Variants in RTN4RL1 observed in about 807,000 individuals in gnomAD.
RTN4RL1 encodes the protein reticulon 4 receptor like 1.
Under a neutral mutation model 25.6 loss-of-function variants are expected in RTN4RL1, and 7 were observed. The observed-to-expected ratio is 0.27, with a 90% CI of 0.16 to 0.51. The LOEUF is 0.51. Ranked by LOEUF, RTN4RL1 falls within the 20% of genes least tolerant of loss-of-function variation. The probability of loss-of-function intolerance (pLI) is 0.97; values close to 1 mark genes in which losing one functional copy is unlikely to be tolerated. For synonymous variants in RTN4RL1, 297 were observed against 288.2 expected (o/e 1.03, Z -0.31); for missense variants, 500 against 615.6 (o/e 0.81, Z 1.99).
intron 1 of RTN4RL1, among the ~76,000 whole-genome samples, chr17:1,952,180 T>C (rs10852897): frequency 0.45 from 67,711 of 151,662 alleles, 16,027 homozygotes; most frequent in Middle Eastern, 0.57. Context: ...AGTCACGGGG[T>C]CCAGCTGCCA....
At chr17:1,986,822 C>G (rs964538788) in intron 1 of RTN4RL1, among the ~76,000 whole-genome samples, 2 of 152,002 alleles carry the variant, frequency 1.3e-5, no homozygotes, top group African/African-American at 4.8e-5. Context: ...AGACTCAGGC[C>G]CTGCCCCCCG....
intron 1 of RTN4RL1, among the ~76,000 whole-genome samples, chr17:1,968,767 T>A (rs4239065): frequency 2.6e-5 from 4 of 151,844 alleles, no homozygotes; most frequent in East Asian, 1.9e-4. Context: ...CTCATTGCAC[T>A]TGTTCTTTGA....
chr17:1,948,384 C>T (rs73976147), intron 1 of RTN4RL1, among the ~76,000 whole-genome samples: 172 of 152,336 alleles, frequency 1.1e-3, no homozygotes, highest in African/African-American at 4.0e-3. Flanking sequence ...GTTGTGGCAG[C>T]GCAGACTCCA....
chr17:2,002,607 CCTCT>C (rs1003082423), intron 1 of RTN4RL1, among the ~76,000 whole-genome samples: 12 of 151,368 alleles, frequency 7.9e-5, no homozygotes, highest in African/African-American at 2.4e-4. Context: ...TTCTTTATTT[CCTCT>C]CTCTGTCTCT....
At chr17:2,001,868 T>A (rs1303191622) in intron 1 of RTN4RL1, among the ~76,000 whole-genome samples, 1 of 148,120 alleles carries the variant, frequency 6.8e-6, no homozygotes, top group South Asian at 2.3e-4. Context: ...CCACTTGGGG[T>A]TTGCAGCATC....
At chr17:1,997,988 T>A (rs1244580288) in intron 1 of RTN4RL1, among the ~76,000 whole-genome samples, 1 of 152,094 alleles carries the variant, frequency 6.6e-6, no homozygotes, top group Non-Finnish European at 1.5e-5. Context: ...GTCTGGGGCC[T>A]GGGGGCGGGC....
chr17:1,953,985 G>T (rs1182319657), intron 1 of RTN4RL1, among the ~76,000 whole-genome samples: 4 of 152,222 alleles, frequency 2.6e-5, no homozygotes, highest in Non-Finnish European at 5.9e-5. Flanking sequence ...AACCATGAAG[G>T]GACCAGCCCA....
Position 1,976,503 on chromosome 17 carries a change from G to C in RTN4RL1, c.14-38695C>G, listed in dbSNP as rs539738128. On this transcript the variant is annotated intron_variant, in intron 1 of 1. Transcript: ENST00000331238. Reference sequence around the variant, plus strand: ...TAGTGTTGGTGCTGCAGAAGGAAACGGGACCCACATCCTGGCCCTGCCACT... The same window carrying C: ...TAGTGTTGGTGCTGCAGAAGGAAACCGGACCCACATCCTGGCCCTGCCACT... Among the ~76,000 whole-genome samples, 7 of 152,326 alleles carry C rather than the reference G, an allele frequency of 4.6e-5. No homozygotes were observed. The South Asian group carries it at 1.4e-3, about 32-fold the overall frequency.
At chr17:1,946,531 C>G (rs1330405986) in intron 1 of RTN4RL1, among the ~76,000 whole-genome samples, 3 of 149,266 alleles carry the variant, frequency 2.0e-5, no homozygotes, top group Non-Finnish European at 4.5e-5. Flanking sequence ...GATTGTGTGT[C>G]TGTGTGTGCA....
At chr17:1,999,075 A>G (rs2151321559) in intron 1 of RTN4RL1, among the ~76,000 whole-genome samples, 1 of 139,004 alleles carries the variant, frequency 7.2e-6, no homozygotes, top group Non-Finnish European at 1.5e-5. Flanking sequence ...ACGCCAGTCT[A>G]CACCAGACAC....
rs1446325396 is a variant in RTN4RL1, at chr17:2,001,179, G to A, written c.13+23674C>T. Among the ~76,000 whole-genome samples the A allele has an allele frequency of 1.3e-4, 20 of 151,180 alleles. 1 individual carries two copies. Among genetic ancestry groups the A allele is most frequent in the Admixed American group, 8.6e-4 (13 of 15,156 alleles). On this transcript the variant is annotated intron_variant, in intron 1 of 1. Coordinates refer to ENST00000331238, the MANE Select transcript of RTN4RL1 (RefSeq NM_178568.4). ...TGGGATTACAGGTGTGAGCCACCAC[G>A]CCTGGCCTTTCATTTACTTTGTATT...
At chr17:2,019,573 C>T (rs2067173174) in intron 1 of RTN4RL1, 1 of 152,344 alleles carries the variant, frequency 6.6e-6, no homozygotes, top group African/African-American at 2.4e-5. Context: ...CCTACCCCTT[C>T]CCCTGCCTTT....
At chr17:2,019,741 T>TCC (rs749378823) in intron 1 of RTN4RL1, 1 of 152,250 alleles carries the variant, frequency 6.6e-6, no homozygotes, top group Non-Finnish European at 1.5e-5. Context: ...AACTCTGAAG[T>TCC]TCACTCCTAC....
rs192927580 is a variant in RTN4RL1 at position 1,965,757 on chromosome 17, G to A, written c.14-27949C>T. Among the ~76,000 whole-genome samples the A allele has an allele frequency of 3.2e-4, 48 of 152,238 alleles. 1 individual carries two copies. In the East Asian group the frequency reaches 8.9e-3, roughly 28 times the overall value. Reference sequence around the variant, plus strand: ...CCGCCAGGCCCCCACTGCCCTCAGCGCTGACCGACACCTGTCCAGCCCATT... The same window carrying A: ...CCGCCAGGCCCCCACTGCCCTCAGCACTGACCGACACCTGTCCAGCCCATT... On this transcript the variant is annotated intron_variant, in intron 1 of 1. Coordinates refer to ENST00000331238, the MANE Select transcript of RTN4RL1 (RefSeq NM_178568.4).
intron 1 of RTN4RL1, among the ~76,000 whole-genome samples, chr17:2,017,216 A>G (rs1308978558): frequency 6.6e-6 from 1 of 152,240 alleles, no homozygotes; most frequent in Non-Finnish European, 1.5e-5. Context: ...AGGCAGAAGC[A>G]AACTTTCTAC....
At chr17:1,964,151 C>T (rs748955775) in intron 1 of RTN4RL1, among the ~76,000 whole-genome samples, 2 of 152,186 alleles carry the variant, frequency 1.3e-5, no homozygotes, top group African/African-American at 2.4e-5. Context: ...GTAGCTGCTA[C>T]GCACACGTGG....
intron 1 of RTN4RL1, among the ~76,000 whole-genome samples, chr17:1,958,349 G>A (rs963104790): frequency 5.9e-5 from 9 of 152,212 alleles, no homozygotes; most frequent in South Asian, 4.2e-4. Context: ...ATCGGCCCCC[G>A]CCAGTGCCCC....
intron 1 of RTN4RL1, among the ~76,000 whole-genome samples, chr17:1,974,144 C>A (rs1298653976): frequency 1.3e-5 from 2 of 151,898 alleles, no homozygotes; most frequent in African/African-American, 4.8e-5. Flanking sequence ...AACTTTCCAG[C>A]CTGGGCAACA....
At chr17:1,985,775 C>T (rs1243343645) in intron 1 of RTN4RL1, among the ~76,000 whole-genome samples, 2 of 152,076 alleles carry the variant, frequency 1.3e-5, no homozygotes, top group Non-Finnish European at 2.9e-5. Flanking sequence ...CCTGGAGGAG[C>T]CCCAGGTAAG....
Sources: allele counts gnomAD v4.1 joint callset (sites outside exome capture counted in the v4.1 genomes callset), GRCh38; gene constraint gnomAD v4.1.1; transcripts MANE v1.5; gene names NCBI Gene and HGNC (gene_info 2026-07-23, HGNC 2026-07-21).